NFE2L3: variants seen among roughly 807,000 people sequenced by gnomAD.
NFE2L3 encodes nuclear factor erythroid 2-related factor 3.
Under a neutral mutation model 23.5 loss-of-function variants are expected in NFE2L3, and 18 were observed. The ratio of observed to expected loss-of-function variants is 0.77; its 90% CI spans 0.53 to 1.13. NFE2L3 has a LOEUF of 1.13. NFE2L3 is among the 50% of genes most tolerant of loss of function. The pLI is 0.00. For missense variants in NFE2L3, 1,152 were observed against 877.2 expected (o/e 1.31, Z -3.96); for synonymous variants, 424 against 354.5 (o/e 1.20, Z -2.20).
At position 26,185,017 on chromosome 7, in the gene NFE2L3, C is replaced by T; in HGVS notation, c.1319C>T (p.Ser440Phe). The change falls in exon 4 of 4, where the codon TCT becomes TTT. Residue 440 changes from serine to phenylalanine, a missense_variant. Transcript: ENST00000056233. ...TSVIKSNSSH[S>F]VCDEGAIGYC... ...GTCATCAAGTCTAATTCCTCTCACT[C>T]TGTGTGTGATGAAGGTGCTATAGGT... 1 of 1,613,796 alleles carries T rather than the reference C, an allele frequency of 6.2e-7. No individual in the cohort carries two copies. Among genetic ancestry groups the T allele is most frequent in the Non-Finnish European group, 8.5e-7 (1 of 1,179,806 alleles).
chr7:26,166,700 A>G (rs1381611285), intron 1 of NFE2L3, among the ~76,000 whole-genome samples: 1 of 152,190 alleles, frequency 6.6e-6, no homozygotes, highest in African/African-American at 2.4e-5. Context: ...CCACTATTAA[A>G]AACCACCCAG....
At chr7:26,175,191 C>T (rs1258847298) in intron 1 of NFE2L3, among the ~76,000 whole-genome samples, 2 of 113,780 alleles carry the variant, frequency 1.8e-5, no homozygotes, top group African/African-American at 7.6e-5. Flanking sequence ...CTAAAAAATA[C>T]CAAAAAAAAA....
chr7:26,152,829 TG>T lies in NFE2L3; in HGVS notation c.333del (p.Trp111CysfsTer85). On this transcript the variant is annotated frameshift_variant, in exon 1 of 4. Transcript: ENST00000056233. LOFTEE classifies it high-confidence loss of function. This position sits in a 1 kb window ranked among gnomAD's most constrained non-coding sequence, Gnocchi z 4.4. ...PFVPRTSVDA[W>X]LVHSVAAGSA... Reference sequence around the variant, plus strand: ...CGTCCCTCGCACCAGCGTGGATGCATGGCTGGTGCACAGCGTGGCTGCCGGG... The same window carrying T: ...CGTCCCTCGCACCAGCGTGGATGCATGCTGGTGCACAGCGTGGCTGCCGGG... The T allele has an allele frequency of 1.3e-6, 2 of 1,485,254 alleles. No individual in the cohort carries two copies. The highest frequency in any genetic ancestry group is 1.8e-6 in the Non-Finnish European group (2 of 1,125,610). The allele number at this position is 1,485,254 out of a possible 1,614,324, so 92.0% of individuals were successfully genotyped here.
intron 1 of NFE2L3, among the ~76,000 whole-genome samples, chr7:26,168,295 C>T (rs376821594): frequency 4.6e-5 from 7 of 151,774 alleles, no homozygotes; most frequent in African/African-American, 1.5e-4. Flanking sequence ...CGCCACCACA[C>T]CTGGCTAATT....
chr7:26,181,978 A>G (rs1784521527), intron 2 of NFE2L3, among the ~76,000 whole-genome samples: 1 of 151,978 alleles, frequency 6.6e-6, no homozygotes, highest in Non-Finnish European at 1.5e-5. Flanking sequence ...TAGAAGAGAA[A>G]AATCTAAGTT....
intron 1 of NFE2L3, among the ~76,000 whole-genome samples, chr7:26,168,607 T>G (rs1430187627): frequency 1.3e-5 from 2 of 150,656 alleles, no homozygotes; most frequent in Non-Finnish European, 3.0e-5. Flanking sequence ...CACAATTTCT[T>G]TATCCACTCA....
intron 1 of NFE2L3, among the ~76,000 whole-genome samples, chr7:26,161,794 C>A (rs1002514887): frequency 1.3e-5 from 2 of 151,964 alleles, no homozygotes; most frequent in East Asian, 3.9e-4. Context: ...GAATGGGGAT[C>A]TAGCATGCAA....
chr7:26,160,812 C>T (rs1237494247), intron 1 of NFE2L3, among the ~76,000 whole-genome samples: 1 of 152,240 alleles, frequency 6.6e-6, no homozygotes, highest in Non-Finnish European at 1.5e-5. Flanking sequence ...GAACAATAGC[C>T]TAGCTCCTTG....
rs1253051507 is a variant in NFE2L3, at chr7:26,152,605, T to TGCC, written c.114_116dup (p.Pro39dup). ...GTAGACCTAGATCTTTACCTGCTGCTGCCGCCGCCCACCCTGCTGCAGGAC... is the reference window on the plus strand; with the variant it reads ...GTAGACCTAGATCTTTACCTGCTGCTGCCGCCGCCGCCCACCCTGCTGCAGGAC... On this transcript the variant is annotated inframe_insertion, in exon 1 of 4. Coordinates refer to ENST00000056233, the MANE Select transcript of NFE2L3 (RefSeq NM_004289.7). This position sits in a 1 kb window ranked among gnomAD's most constrained non-coding sequence, Gnocchi z 4.4. 3.2e-6 allele frequency: 5 copies of TGCC among 1,545,330 alleles called. No individual in the cohort carries two copies. Among genetic ancestry groups the TGCC allele is most frequent in the Non-Finnish European group, 4.3e-6 (5 of 1,157,012 alleles).
intron 1 of NFE2L3, among the ~76,000 whole-genome samples, chr7:26,165,359 C>T (rs1784231796): frequency 1.3e-5 from 2 of 152,124 alleles, no homozygotes; most frequent in African/African-American, 4.8e-5. Context: ...TGAAGAGGTC[C>T]TTCACATCCC....
In NFE2L3 at chr7:26,152,367, C is replaced by T; in HGVS notation, c.-132C>T. The T allele has an allele frequency of 3.5e-6, 2 of 565,482 alleles. No homozygotes were observed. Among genetic ancestry groups the T allele is most frequent in the Non-Finnish European group, 4.9e-6 (2 of 404,278 alleles). The allele number at this position is 565,482 out of a possible 1,614,324, so 35.0% of individuals were successfully genotyped here. On this transcript the variant is annotated 5_prime_UTR_variant, in exon 1 of 4. Coordinates refer to ENST00000056233, the MANE Select transcript of NFE2L3 (RefSeq NM_004289.7). This position sits in a 1 kb window ranked among gnomAD's most constrained non-coding sequence, Gnocchi z 4.4. ...AACCCGCGACGGCCGCCACGCGCCC[C>T]GGTCCATTGTTTCGCTTATCTGGGT...
intron 1 of NFE2L3, among the ~76,000 whole-genome samples, chr7:26,163,143 G>A (rs1034342505): frequency 2.6e-5 from 4 of 152,066 alleles, no homozygotes; most frequent in African/African-American, 4.8e-5. Context: ...CTCTCTGTCC[G>A]CCCCTCTATT....
chr7:26,166,904 A>G (rs1480574191), intron 1 of NFE2L3, among the ~76,000 whole-genome samples: 1 of 152,222 alleles, frequency 6.6e-6, no homozygotes, highest in East Asian at 1.9e-4. Flanking sequence ...AGGTAAAAGC[A>G]GGTCTCCATC....
At chr7:26,165,347 C>T (rs1245886861) in intron 1 of NFE2L3, among the ~76,000 whole-genome samples, 2 of 152,144 alleles carry the variant, frequency 1.3e-5, no homozygotes, top group East Asian at 1.9e-4. Context: ...TGTAGTTCTC[C>T]TTGAAGAGGT....
intron 2 of NFE2L3, among the ~76,000 whole-genome samples, chr7:26,182,746 T>C (rs1782345895): frequency 6.6e-6 from 1 of 151,822 alleles, no homozygotes; most frequent in Non-Finnish European, 1.5e-5. Context: ...AGATGAAGCA[T>C]CGATAAATTG....
intron 1 of NFE2L3, among the ~76,000 whole-genome samples, chr7:26,175,309 G>A (rs953295693): frequency 2.6e-5 from 4 of 151,606 alleles, no homozygotes; most frequent in South Asian, 4.2e-4. Flanking sequence ...GCCGTGAGCC[G>A]AGATCTCGCC....
chr7:26,185,274 A>G lies in NFE2L3; in HGVS notation c.1576A>G (p.Arg526Gly), dbSNP rs145977084. Residue 526 changes from arginine (R) to glycine (G), a missense_variant, in exon 4 of 4, where the codon AGA (arginine) becomes GGA (glycine). Coordinates refer to ENST00000056233, the MANE Select transcript of NFE2L3 (RefSeq NM_004289.7). Reference protein sequence around the residue: ...WPGKSQKIRSRYLEDTDRNLS... With the variant: ...WPGKSQKIRSGYLEDTDRNLS... ...TGGGAAGTCACAGAAGATAAGGAGT[A>G]GATACCTTGAAGACACAGATAGAAA... is the stretch of plus-strand genomic sequence containing the variant. 1.7e-4 allele frequency: 275 copies of G among 1,614,144 alleles called. No individual in the cohort carries two copies. The Admixed American group carries it at 4.5e-3, about 26-fold the overall frequency.
At chr7:26,175,559 C>G (rs1452770571) in intron 1 of NFE2L3, among the ~76,000 whole-genome samples, 5 of 151,066 alleles carry the variant, frequency 3.3e-5, no homozygotes, top group Non-Finnish European at 7.4e-5. Flanking sequence ...GGGCGGATCA[C>G]GAGGTCAGGA....
chr7:26,152,236 G>C lies in NFE2L3; in HGVS notation c.-263G>C. On this transcript the variant is annotated 5_prime_UTR_variant, in exon 1 of 4. Transcript: ENST00000056233. The surrounding 1 kb of genome is among the most constrained non-coding windows in gnomAD (Gnocchi z 4.4). Reference sequence around the variant, plus strand: ...CGCGCCGGGCTGCGGGCGGCTGGGCGAACGGGCTCGGCGCTCAGGTGGCTC... The same window carrying C: ...CGCGCCGGGCTGCGGGCGGCTGGGCCAACGGGCTCGGCGCTCAGGTGGCTC... 5.0e-6 allele frequency: 1 copy of C among 199,608 alleles called. No individual in the cohort carries two copies. Among genetic ancestry groups the C allele is most frequent in the Non-Finnish European group, 1.0e-5 (1 of 100,372 alleles). 12.4% of individuals were successfully genotyped at this position (199,608 alleles called of 1,614,324 possible).
Sources: allele counts gnomAD v4.1 joint callset (sites outside exome capture counted in the v4.1 genomes callset), GRCh38; gene constraint gnomAD v4.1.1; non-coding constraint Gnocchi (gnomAD v3.1); transcripts MANE v1.5; gene names NCBI Gene and HGNC (gene_info 2026-07-23, HGNC 2026-07-21).